SUSD1: variants seen among roughly 807,000 people sequenced by gnomAD.
The protein encoded by SUSD1 is sushi domain containing 1.
Under a neutral mutation model 86.9 loss-of-function variants are expected in SUSD1, and 65 were observed. The ratio of observed to expected loss-of-function variants is 0.75; its 90% CI spans 0.61 to 0.92. The LOEUF (loss-of-function observed/expected upper bound fraction) is 0.92. SUSD1 is among the 40% of genes least tolerant of loss of function. SUSD1 has a pLI of 0.00. For missense variants in SUSD1, 850 were observed against 929.7 expected, an observed-to-expected ratio of 0.91 and a Z score of 1.11; for synonymous variants, 346 against 350.0, an observed-to-expected ratio of 0.99 and a Z score of 0.13.
intron 4 of SUSD1, 97 bp downstream of exon 4, chr9:112,143,374 A>G (rs554474208): frequency 4.0e-6 from 5 of 1,250,692 alleles, no homozygotes; most frequent in South Asian, 1.4e-5. Flanking sequence ...GGATCAGATC[A>G]CCTCCACCTG....
chr9:112,042,901 T>G (rs1827802838), intron 15 of SUSD1, among the ~76,000 whole-genome samples: 1 of 152,104 alleles, frequency 6.6e-6, no homozygotes, highest in Non-Finnish European at 1.5e-5. Flanking sequence ...AGAATACACC[T>G]TGTGTTAAAC....
chr9:112,143,689 A>T (rs1832685324), intron 3 of SUSD1, 66 bp from the exon 4 acceptor site: 1 of 1,476,302 alleles, frequency 6.8e-7, no homozygotes, highest in Admixed American at 2.3e-5. Context: ...AAAGGAGAGG[A>T]TATTGTGACA....
At chr9:112,168,290 G>A (rs910598031) in intron 1 of SUSD1, among the ~76,000 whole-genome samples, 1 of 152,198 alleles carries the variant, frequency 6.6e-6, no homozygotes, top group Non-Finnish European at 1.5e-5. Flanking sequence ...CAAAAATCAA[G>A]AGCGGTATCT....
chr9:112,135,193 T>A (rs2131726119), intron 5 of SUSD1, among the ~76,000 whole-genome samples: 1 of 152,322 alleles, frequency 6.6e-6, no homozygotes, highest in Admixed American at 6.5e-5. Flanking sequence ...TACCCAAAAG[T>A]CTACTTGCTC....
At chr9:112,109,481 G>A (rs1831000173) in intron 8 of SUSD1, among the ~76,000 whole-genome samples, 2 of 152,192 alleles carry the variant, frequency 1.3e-5, no homozygotes, top group Admixed American at 1.3e-4. Flanking sequence ...TCCCAGTTAG[G>A]ATGGCTCAAC....
At chr9:112,129,597 G>A (rs1831927923) in intron 5 of SUSD1, among the ~76,000 whole-genome samples, 1 of 152,230 alleles carries the variant, frequency 6.6e-6, no homozygotes, top group African/African-American at 2.4e-5. Context: ...ACAGGCGTGA[G>A]CCATCACTCA....
intron 1 of SUSD1, among the ~76,000 whole-genome samples, chr9:112,160,995 T>G (rs1833542040): frequency 6.6e-6 from 1 of 152,232 alleles, no homozygotes; most frequent in Admixed American, 6.5e-5. Context: ...ATGTCCATCA[T>G]ATGGGTAAGT....
chr9:112,044,441 G>A (rs754166481), intron 15 of SUSD1, among the ~76,000 whole-genome samples: 1 of 152,220 alleles, frequency 6.6e-6, no homozygotes, highest in Non-Finnish European at 1.5e-5. Context: ...TCTAGGTAGT[G>A]GGAGAAGTCA....
At chr9:112,138,989 T>C (rs1832439948) in intron 5 of SUSD1, among the ~76,000 whole-genome samples, 1 of 152,194 alleles carries the variant, frequency 6.6e-6, no homozygotes, top group Admixed American at 6.5e-5. Flanking sequence ...AATGATTTTC[T>C]AGAAATACAT....
chr9:112,101,060 G>T (rs1211523945), intron 9 of SUSD1, among the ~76,000 whole-genome samples: 2 of 151,790 alleles, frequency 1.3e-5, no homozygotes, highest in Non-Finnish European at 2.9e-5. Flanking sequence ...CTGGTAAATA[G>T]AATAAATTAA....
rs578201903 is a variant in SUSD1 at position 112,095,043 on chromosome 9, G to A, written c.1474+3427C>T. Among the ~76,000 whole-genome samples, 3 of 152,260 alleles carry A rather than the reference G, an allele frequency of 2.0e-5. No homozygotes were observed. The South Asian group carries it at 6.2e-4, about 32-fold the overall frequency. On this transcript the variant is annotated intron_variant, in intron 10 of 16. Coordinates refer to ENST00000374270, the MANE Select transcript of SUSD1 (RefSeq NM_022486.5). ...TGAAAATTGATAAAGCCCAGGCCTG[G>A]GTTTAGGCCGAACTGAATAGAAAGA... is the stretch of plus-strand genomic sequence containing the variant.
At chr9:112,142,540 T>C in intron 4 of SUSD1, 41 bp from the exon 5 acceptor site, 3 of 1,586,758 alleles carry the variant, frequency 1.9e-6, no homozygotes, top group Non-Finnish European at 2.6e-6. Context: ...CTCGTGAATG[T>C]AAATCTTCAA....
chr9:112,139,210 T>C (rs1832449950), intron 5 of SUSD1, among the ~76,000 whole-genome samples: 1 of 152,140 alleles, frequency 6.6e-6, no homozygotes, highest in South Asian at 2.1e-4. Flanking sequence ...AAGGAAATTT[T>C]TACATTCTTT....
At chr9:112,085,442 C>T (rs1181933709) in intron 10 of SUSD1, among the ~76,000 whole-genome samples, 1 of 152,104 alleles carries the variant, frequency 6.6e-6, no homozygotes, top group Non-Finnish European at 1.5e-5. Context: ...ATTGTTATTC[C>T]CATGTTCACA....
At chr9:112,068,721 T>G (rs1462679493) in intron 12 of SUSD1, among the ~76,000 whole-genome samples, 1 of 141,528 alleles carries the variant, frequency 7.1e-6, no homozygotes, top group African/African-American at 2.5e-5. Context: ...AAAAAAATAT[T>G]TTTAGCCGTT....
Position 112,068,761 on chromosome 9 carries a change from T to C in SUSD1, c.1754-5728A>G, listed in dbSNP as rs1333559671. ...ACTTCAAAAATACAACTTAGAGAGCTGATCAAAGGATGAATAGAAAAAGGG... is the reference window on the plus strand; with the variant it reads ...ACTTCAAAAATACAACTTAGAGAGCCGATCAAAGGATGAATAGAAAAAGGG... On this transcript the variant is annotated intron_variant, in intron 12 of 16. Coordinates refer to ENST00000374270, the MANE Select transcript of SUSD1 (RefSeq NM_022486.5). Among the ~76,000 whole-genome samples the C allele has an allele frequency of 4.0e-5, 6 of 151,510 alleles. No homozygotes were observed. In the East Asian group the frequency reaches 9.7e-4, roughly 25 times the overall value.
chr9:112,173,393 G>T, intron 1 of SUSD1: 1 of 108,082 alleles, frequency 9.3e-6, no homozygotes, highest in South Asian at 3.3e-4. Context: ...GGAAGATGGG[G>T]GTTCCTTAGA....
At chr9:112,137,181 T>C (rs1832301393) in intron 5 of SUSD1, among the ~76,000 whole-genome samples, 1 of 152,178 alleles carries the variant, frequency 6.6e-6, no homozygotes, top group African/African-American at 2.4e-5. Context: ...AATCAGGCTT[T>C]GCTATTAATG....
In SUSD1 at chr9:112,143,502, GAAAGGT is replaced by G; in HGVS notation, c.489_494del (p.Glu163_Phe165delinsAsp). The stretch of plus-strand genomic sequence containing the variant: ...ATGATGTGGCATCGGTGGTCGGGTG[GAAAGGT>G]TCAGGTCCATTCCTTGGCAAGTATC... On this transcript the variant is annotated inframe_deletion, in exon 4 of 17. Transcript: ENST00000374270. 6.2e-7 allele frequency: 1 copy of G among 1,613,798 alleles called. No individual in the cohort carries two copies. The highest frequency in any genetic ancestry group is 1.1e-5 in the South Asian group (1 of 91,018).
Sources: gnomAD v4.1 joint callset for allele counts (sites outside exome capture counted in the v4.1 genomes callset) on GRCh38, gnomAD v4.1.1 for gene constraint, MANE v1.5 for transcripts, NCBI Gene and HGNC (gene_info 2026-07-23, HGNC 2026-07-21) for gene names.